SERAC1: variants seen among roughly 807,000 people sequenced by gnomAD.
SERAC1 encodes the protein serine active site containing 1.
Under a neutral mutation model 85.7 loss-of-function variants are expected in SERAC1, and 36 were observed. That is an observed-to-expected ratio of 0.42 (90% CI 0.32 to 0.55). The LOEUF (loss-of-function observed/expected upper bound fraction) is 0.55, where lower values mean the gene tolerates loss of function less well. SERAC1 is among the 20% of genes least tolerant of loss of function. The pLI, the probability that SERAC1 is intolerant of heterozygous loss-of-function variation, is 0.11. For missense variants in SERAC1, 629 were observed against 796.2 expected (o/e 0.79, Z 2.53); for synonymous variants, 242 against 265.3 (o/e 0.91, Z 0.85).
chr6:158,164,251 G>A (rs1320298042), intron 1 of SERAC1, among the ~76,000 whole-genome samples: 1 of 151,812 alleles, frequency 6.6e-6, no homozygotes, highest in African/African-American at 2.4e-5. Flanking sequence ...CGAGGCAGGA[G>A]GATCACGAGG....
rs759671894 is a variant in SERAC1, at chr6:158,146,948, A to T, written c.356-35T>A. On this transcript the variant is annotated intron_variant, in intron 5 of 16. Coordinates refer to ENST00000647468, the MANE Select transcript of SERAC1 (RefSeq NM_032861.4). ...AAGAAAAAGCCAAGACAATGTGAAAAGTTAAGATAATACTTTTATCTTCAC... is the reference window on the plus strand; with the variant it reads ...AAGAAAAAGCCAAGACAATGTGAAATGTTAAGATAATACTTTTATCTTCAC... 12 of 1,602,246 alleles carry T rather than the reference A, an allele frequency of 7.5e-6. No individual in the cohort carries two copies. The African/African-American group carries it at 1.5e-4, about 20-fold the overall frequency.
chr6:158,142,601 C>T (rs988386721), intron 8 of SERAC1, among the ~76,000 whole-genome samples: 9 of 152,006 alleles, frequency 5.9e-5, no homozygotes, highest in African/African-American at 4.8e-5. Context: ...CTCAGCCTCC[C>T]GAGTAGCTGG....
Position 158,111,461 on chromosome 6 carries a change from A to G in SERAC1, c.1870T>C (p.Leu624=). The change falls in exon 17 of 17, where the codon TTG becomes CTG. Residue 624 remains leucine (L), a synonymous_variant. Transcript: ENST00000647468. Reference sequence around the variant, plus strand: ...TTTTTCTTTGGCTTACAAATGTTCAAATGGTTAACATCCACAGGAATTAGA... The same window carrying G: ...TTTTTCTTTGGCTTACAAATGTTCAGATGGTTAACATCCACAGGAATTAGA... ...GDLIPVDVNH[L]NICKPKKKDA... 1 of 1,610,952 alleles carries G rather than the reference A, an allele frequency of 6.2e-7. No homozygotes were observed. The highest frequency in any genetic ancestry group is 8.5e-7 in the Non-Finnish European group (1 of 1,178,784).
chr6:158,130,255 TAAGTG>T, intron 9 of SERAC1, 113 bp downstream of exon 9: 2 of 486,406 alleles, frequency 4.1e-6, no homozygotes, highest in Non-Finnish European at 7.1e-6. Context: ...AATTTAAAAA[TAAGTG>T]AAGGGCTTTT....
rs891615561 is a variant in SERAC1 at position 158,111,124 on chromosome 6, A to C, written c.*242T>G. ...CCAACACTGCGAACCATAAAGCAGCACACAGGGACTTCTTTACACCAAAGG... is the reference window on the plus strand; with the variant it reads ...CCAACACTGCGAACCATAAAGCAGCCCACAGGGACTTCTTTACACCAAAGG... On this transcript the variant is annotated 3_prime_UTR_variant, in exon 17 of 17. Coordinates refer to ENST00000647468, the MANE Select transcript of SERAC1 (RefSeq NM_032861.4). The C allele has an allele frequency of 3.3e-6, 1 of 306,592 alleles. No individual in the cohort carries two copies. The highest frequency in any genetic ancestry group is 6.0e-6 in the Non-Finnish European group (1 of 165,598). The allele number at this position is 306,592 out of a possible 1,614,324, so 19.0% of individuals were successfully genotyped here. A position where few individuals can be genotyped will look rare whatever the true frequency, so the allele number is the denominator to read the frequency against.
At position 158,118,531 on chromosome 6, in the gene SERAC1, CTGTT is replaced by C. The variant is rs987184906; in HGVS notation, c.1308+494_1308+497del. Among the ~76,000 whole-genome samples the C allele has an allele frequency of 4.7e-5, 7 of 149,006 alleles. No individual in the cohort carries two copies. In the South Asian group the frequency reaches 6.4e-4, roughly 14 times the overall value. ...TACTCAGGAGGCTGAGGGGGAATGA[CTGTT>C]TGAGCCTGGGAGGTTGAGACTGCAG... On this transcript the variant is annotated intron_variant, in intron 12 of 16. Transcript: ENST00000647468.
At chr6:158,158,560 G>T in intron 1 of SERAC1, 196 bp from the exon 2 acceptor site, 2 of 466,498 alleles carry the variant, frequency 4.3e-6, no homozygotes, top group East Asian at 3.5e-5. Context: ...ATAATATTTT[G>T]TTAGAATTTT....
At chr6:158,133,600 T>C (rs935202698) in intron 8 of SERAC1, among the ~76,000 whole-genome samples, 9 of 152,048 alleles carry the variant, frequency 5.9e-5, no homozygotes, top group African/African-American at 2.2e-4. Context: ...TTAGACAGGA[T>C]GGTCTCGATC....
At chr6:158,144,164 GT>G in intron 7 of SERAC1, 134 bp downstream of exon 7, 1 of 667,930 alleles carries the variant, frequency 1.5e-6, no homozygotes, top group Non-Finnish European at 2.4e-6. Flanking sequence ...TATGATTTCA[GT>G]TTTACATTCC....
intron 8 of SERAC1, among the ~76,000 whole-genome samples, chr6:158,136,488 T>C (rs1784796008): frequency 6.6e-6 from 1 of 152,108 alleles, no homozygotes; most frequent in East Asian, 1.9e-4. Context: ...GTGAGGAGTT[T>C]TGTTTTATTT....
rs1033568259 is a variant in SERAC1 at position 158,113,470 on chromosome 6, C to A, written c.1807G>T (p.Val603Leu). The A allele has an allele frequency of 1.2e-6, 2 of 1,613,828 alleles. No homozygotes were observed. Among genetic ancestry groups the A allele is most frequent in the Non-Finnish European group, 1.7e-6 (2 of 1,179,860 alleles). ...TYIGSMIKLH[V>L]VPVESADLGI... ...ATACCTGCTGATTCCACAGGTACCA[C>A]ATGGAGCTTAATCATGCTGCCAATG... The change falls in exon 16 of 17, where the codon GTG becomes TTG. Residue 603 changes from valine (V) to leucine (L), a missense_variant. By Grantham distance (32) the Val-to-Leu change is conservative. Coordinates refer to ENST00000647468, the MANE Select transcript of SERAC1 (RefSeq NM_032861.4).
intron 8 of SERAC1, among the ~76,000 whole-genome samples, chr6:158,142,210 G>T (rs1469054144): frequency 1.3e-5 from 2 of 151,918 alleles, no homozygotes; most frequent in Non-Finnish European, 2.9e-5. Flanking sequence ...GCCCAGGCTG[G>T]AGTGCAGTGG....
intron 14 of SERAC1, 96 bp downstream of exon 14, chr6:158,116,089 T>C: frequency 1.0e-6 from 1 of 981,496 alleles, no homozygotes; most frequent in Non-Finnish European, 1.6e-6. Flanking sequence ...GGAGCCGCTA[T>C]TAAGTAAAAT....
chr6:158,147,201 C>T (rs1023215264), intron 5 of SERAC1, among the ~76,000 whole-genome samples: 4 of 151,818 alleles, frequency 2.6e-5, no homozygotes, highest in African/African-American at 9.7e-5. Flanking sequence ...TGCAGTGACA[C>T]AATCGTGGCT....
chr6:158,166,084 C>A (rs2128426754), intron 1 of SERAC1: 1 of 152,332 alleles, frequency 6.6e-6, no homozygotes, highest in East Asian at 1.9e-4. Flanking sequence ...TTCCTAGAGA[C>A]AATGGTCTCT....
At chr6:158,158,076 G>C (rs1181301403) in intron 2 of SERAC1, among the ~76,000 whole-genome samples, 197 bp downstream of exon 2, 2 of 152,076 alleles carry the variant, frequency 1.3e-5, no homozygotes, top group African/African-American at 4.8e-5. Context: ...AGTAGAAGAG[G>C]GAAAATAATT....
chr6:158,118,201 A>C (rs1784336619), intron 12 of SERAC1, among the ~76,000 whole-genome samples: 1 of 152,170 alleles, frequency 6.6e-6, no homozygotes, highest in South Asian at 2.1e-4. Context: ...CAGAGACACT[A>C]ATAATAATCA....
intron 1 of SERAC1, among the ~76,000 whole-genome samples, chr6:158,163,685 T>A (rs1339354067): frequency 6.6e-6 from 1 of 152,196 alleles, no homozygotes; most frequent in Admixed American, 6.5e-5. Context: ...GATCTATTTA[T>A]CTATCCTTAT....
In SERAC1 at chr6:158,117,474, T is replaced by TTCAC. The variant is rs1488337328; in HGVS notation, c.1403+249_1403+252dup. The TTCAC allele has an allele frequency of 3.3e-6, 5 of 1,535,242 alleles. No individual in the cohort carries two copies. In the African/African-American group the frequency reaches 5.5e-5, roughly 17 times the overall value. On this transcript the variant is annotated intron_variant, in intron 13 of 16. Transcript: ENST00000647468. The surrounding 1 kb of genome is among the most constrained non-coding windows in gnomAD (Gnocchi z 4.3). ...GAGACTGCTAGACAATCCACGATCCTTCACTATTAGAACAGTTGTAAATAA... is the reference window on the plus strand; with the variant it reads ...GAGACTGCTAGACAATCCACGATCCTTCACTCACTATTAGAACAGTTGTAAATAA...
Sources: gnomAD v4.1 joint callset for allele counts (sites outside exome capture counted in the v4.1 genomes callset) on GRCh38, gnomAD v4.1.1 for gene constraint, Gnocchi (gnomAD v3.1) non-coding constraint, MANE v1.5 for transcripts, NCBI Gene and HGNC (gene_info 2026-07-23, HGNC 2026-07-21) for gene names.